The following ABCB1 variants were observed in gnomAD, a reference collection of about 807,000 sequenced individuals.
ABCB1 encodes the protein ATP binding cassette subfamily B member 1.
A neutral mutation model predicts 142.0 loss-of-function variants in ABCB1; 69 were observed. The ratio of observed to expected loss-of-function variants is 0.49; its 90% CI spans 0.40 to 0.59. The LOEUF is 0.59. ABCB1 is among the 20% of genes least tolerant of loss of function. The pLI, the probability that ABCB1 is intolerant of heterozygous loss-of-function variation, is 0.00. For missense variants in ABCB1, 1,326 were observed against 1,554.7 expected (o/e 0.85, Z 2.47); for synonymous variants, 532 against 539.2 (o/e 0.99, Z 0.18).
In ABCB1 at chr7:87,527,240, C is replaced by G. The variant is rs78166741; in HGVS notation, c.2685+4054G>C. ...TAATCTTACTTTTAATTTGAATTGACTTTGCTTTTCCTCTAATCATATTAG... is the reference window on the plus strand; with the variant it reads ...TAATCTTACTTTTAATTTGAATTGAGTTTGCTTTTCCTCTAATCATATTAG... On this transcript the variant is annotated intron_variant, in intron 21 of 27. Coordinates refer to ENST00000622132, the MANE Select transcript of ABCB1 (RefSeq NM_001348946.2). 3.9e-5 allele frequency among the ~76,000 whole-genome samples: 6 copies of G among 152,184 alleles called. No individual in the cohort carries two copies. The East Asian group carries it at 1.2e-3, about 29-fold the overall frequency.
chr7:87,693,893 AT>A (rs772532912), intron 1 of ABCB1: 1,311 of 1,444,390 alleles, frequency 9.1e-4, no homozygotes, highest in South Asian at 2.2e-3. Flanking sequence ...TGTTGTTGTT[AT>A]TTTTTTTTTA....
intron 8 of ABCB1, among the ~76,000 whole-genome samples, chr7:87,559,041 A>ATTATATC (rs1817434681): frequency 6.6e-6 from 1 of 151,948 alleles, no homozygotes; most frequent in Non-Finnish European, 1.5e-5. Flanking sequence ...TTCCTTTCTC[A>ATTATATC]TATTATATCT....
intron 1 of ABCB1, among the ~76,000 whole-genome samples, chr7:87,625,895 T>G (rs1401577399): frequency 2.0e-5 from 3 of 151,518 alleles, no homozygotes; most frequent in African/African-American, 7.3e-5. Context: ...TTCTTAAAAT[T>G]TTAATGTATG....
chr7:87,550,370 G>T, intron 11 of ABCB1, 74 bp from the exon 12 acceptor site: 1 of 1,609,672 alleles, frequency 6.2e-7, no homozygotes, highest in Non-Finnish European at 8.5e-7. Flanking sequence ...TGTTCACTAG[G>T]TTTAAATATA....
At chr7:87,591,286 C>T (rs1818989476) in intron 3 of ABCB1, among the ~76,000 whole-genome samples, 1 of 152,162 alleles carries the variant, frequency 6.6e-6, no homozygotes, top group African/African-American at 2.4e-5. Flanking sequence ...TTGACTTTAG[C>T]CCAGTAAAAC....
intron 1 of ABCB1, among the ~76,000 whole-genome samples, chr7:87,616,143 A>T (rs1820025700): frequency 6.6e-6 from 1 of 152,168 alleles, no homozygotes; most frequent in African/African-American, 2.4e-5. Flanking sequence ...TATGTACCTG[A>T]GTGTTATTTA....
intron 1 of ABCB1, among the ~76,000 whole-genome samples, chr7:87,666,519 T>C (rs1038943274): frequency 3.0e-4 from 45 of 152,304 alleles, no homozygotes; most frequent in South Asian, 2.1e-4. Flanking sequence ...AATTTTTAAT[T>C]TTGTTGCAAT....
intron 4 of ABCB1, among the ~76,000 whole-genome samples, chr7:87,578,956 G>C (rs1055223494): frequency 6.6e-6 from 1 of 151,930 alleles, no homozygotes; most frequent in East Asian, 1.9e-4. Flanking sequence ...GCCTCCCAAA[G>C]TGCTGGGATT....
At chr7:87,594,148 G>T (rs1214307085) in intron 3 of ABCB1, among the ~76,000 whole-genome samples, 2 of 152,130 alleles carry the variant, frequency 1.3e-5, no homozygotes, top group African/African-American at 4.8e-5. Context: ...AAGATGTGAG[G>T]AAAATCTATC....
rs181045505 is a variant in ABCB1 at position 87,663,195 on chromosome 7, A to G, written c.-331+49966T>C. On this transcript the variant is annotated intron_variant, in intron 1 of 28. Transcript: ENST00000265724. ...ATCATATCATCTGAAAACAAGGATA[A>G]TTTGACTTTTTCCTTTTTAGTTGGA... Among the ~76,000 whole-genome samples, 454 of 152,242 alleles carry G rather than the reference A, an allele frequency of 3.0e-3. 2 individuals carry two copies. The highest frequency in any genetic ancestry group is 0.011 in the African/African-American group (438 of 41,554).
chr7:87,665,127 G>A (rs1825098125), intron 1 of ABCB1, among the ~76,000 whole-genome samples: 1 of 151,916 alleles, frequency 6.6e-6, no homozygotes, highest in Non-Finnish European at 1.5e-5. Flanking sequence ...ATAAATAAAA[G>A]GTATCCAAGT....
intron 26 of ABCB1, among the ~76,000 whole-genome samples, chr7:87,506,521 C>G (rs1417723177): frequency 6.6e-6 from 1 of 152,088 alleles, no homozygotes; most frequent in Non-Finnish European, 1.5e-5. Flanking sequence ...GAAAGTATCT[C>G]CAACACTTAA....
chr7:87,567,381 G>A (rs1817824444), intron 5 of ABCB1, among the ~76,000 whole-genome samples: 2 of 152,200 alleles, frequency 1.3e-5, no homozygotes, highest in African/African-American at 4.8e-5. Context: ...GTATATTGGG[G>A]AATCACAGCA....
chr7:87,634,782 T>A (rs1289009725), intron 1 of ABCB1, among the ~76,000 whole-genome samples: 1 of 152,256 alleles, frequency 6.6e-6, no homozygotes, highest in African/African-American at 2.4e-5. Flanking sequence ...AGTCATTTTA[T>A]ATGTAGTAGA....
intron 5 of ABCB1, among the ~76,000 whole-genome samples, chr7:87,568,413 CAA>C (rs576532820): frequency 7.2e-6 from 1 of 139,428 alleles, no homozygotes; most frequent in Non-Finnish European, 1.6e-5. Context: ...AACTCCATCT[CAA>C]AAAAAAAAAA....
At chr7:87,518,949 G>T (rs4148745) in intron 23 of ABCB1, 12,357 of 230,294 alleles carry the variant, frequency 0.054, 647 homozygotes, top group African/African-American at 0.14. Flanking sequence ...GCAGAACTTA[G>T]TACAACACAT....
At chr7:87,514,212 C>A (rs937746915) in intron 25 of ABCB1, among the ~76,000 whole-genome samples, 1 of 152,204 alleles carries the variant, frequency 6.6e-6, no homozygotes, top group African/African-American at 2.4e-5. Flanking sequence ...AGCGGGTGGG[C>A]ATCCATCTGA....
intron 1 of ABCB1, among the ~76,000 whole-genome samples, chr7:87,639,925 TTGTA>T (rs1435425732): frequency 1.6e-4 from 25 of 151,738 alleles, no homozygotes; most frequent in African/African-American, 6.0e-4. Flanking sequence ...TTACTGTTCA[TTGTA>T]TGTTTGCTTT....
intron 3 of ABCB1, 69 bp downstream of exon 3, chr7:87,595,697 T>C (rs766796292): frequency 1.6e-6 from 2 of 1,242,264 alleles, no homozygotes; most frequent in Non-Finnish European, 2.4e-6. Context: ...AGATGAAATA[T>C]CTCTTTTCCA....
Sources: allele counts gnomAD v4.1 joint callset (sites outside exome capture counted in the v4.1 genomes callset), GRCh38; gene constraint gnomAD v4.1.1; transcripts MANE v1.5; gene names NCBI Gene and HGNC (gene_info 2026-07-23, HGNC 2026-07-21).